Variants in RELN observed in about 807,000 individuals in gnomAD.
RELN encodes reelin.
A neutral mutation model predicts 427.6 loss-of-function variants in RELN; 108 were observed. The ratio of observed to expected loss-of-function variants is 0.25; its 90% CI spans 0.22 to 0.30. The LOEUF (loss-of-function observed/expected upper bound fraction) is 0.30. RELN is among the 10% of genes least tolerant of loss of function. The pLI, the probability that RELN is intolerant of heterozygous loss-of-function variation, is 1.00. For synonymous variants in RELN, 1,524 were observed against 1,513.4 expected, an observed-to-expected ratio of 1.01 and a Z score of -0.16; for missense variants, 3,715 against 4,302.8, an observed-to-expected ratio of 0.86 and a Z score of 3.82.
chr7:103,856,119 T>C (rs1233415202), intron 2 of RELN, among the ~76,000 whole-genome samples: 1 of 152,140 alleles, frequency 6.6e-6, no homozygotes, highest in Admixed American at 6.6e-5. Flanking sequence ...CTATTCCTTA[T>C]GAAGATGCTA....
chr7:103,741,309 C>T (rs1252314836), intron 6 of RELN, among the ~76,000 whole-genome samples: 1 of 152,004 alleles, frequency 6.6e-6, no homozygotes, highest in African/African-American at 2.4e-5. Flanking sequence ...ACATCTAACA[C>T]CTTATTTTTC....
At chr7:103,861,279 C>T (rs563644172) in intron 2 of RELN, among the ~76,000 whole-genome samples, 33 of 152,034 alleles carry the variant, frequency 2.2e-4, no homozygotes, top group African/African-American at 7.7e-4. Flanking sequence ...GTCTCAAATC[C>T]CTGGTATACT....
chr7:103,585,815 A>G (rs1831256698), intron 28 of RELN, among the ~76,000 whole-genome samples: 1 of 152,178 alleles, frequency 6.6e-6, no homozygotes, highest in Non-Finnish European at 1.5e-5. Context: ...TCAAGAAAAT[A>G]CCAGCAAACT....
chr7:103,887,300 A>T (rs1221356585), intron 2 of RELN, among the ~76,000 whole-genome samples: 1 of 152,162 alleles, frequency 6.6e-6, no homozygotes, highest in Non-Finnish European at 1.5e-5. Context: ...TTAGTTATCT[A>T]CCTTATGATG....
chr7:103,531,159 C>A (rs1229669970), intron 46 of RELN, among the ~76,000 whole-genome samples: 1 of 152,172 alleles, frequency 6.6e-6, no homozygotes, highest in African/African-American at 2.4e-5. Context: ...CTCAACACTT[C>A]CATGCACATT....
chr7:103,733,247 C>T (rs929483446), intron 6 of RELN, among the ~76,000 whole-genome samples: 1 of 151,620 alleles, frequency 6.6e-6, no homozygotes, highest in Admixed American at 6.6e-5. Context: ...GAGATACCAT[C>T]TCACACCAGT....
chr7:103,779,598 G>C (rs1292438074), intron 3 of RELN, among the ~76,000 whole-genome samples: 1 of 152,126 alleles, frequency 6.6e-6, no homozygotes, highest in Non-Finnish European at 1.5e-5. Flanking sequence ...TCAAACCCAG[G>C]CAGTTTGAGT....
At chr7:103,607,305 C>T (rs1278320377) in intron 22 of RELN, among the ~76,000 whole-genome samples, 2 of 151,848 alleles carry the variant, frequency 1.3e-5, no homozygotes, top group African/African-American at 2.4e-5. Context: ...AGAGAAAAGG[C>T]AAGAAAAAGA....
chr7:103,974,199 A>G (rs1024220001), intron 1 of RELN, among the ~76,000 whole-genome samples: 2 of 152,174 alleles, frequency 1.3e-5, no homozygotes, highest in Non-Finnish European at 2.9e-5. Flanking sequence ...GACAGGCATA[A>G]TGTTGTTTTT....
At chr7:103,877,799 TCTTCCTTCGTC>T (rs1476492066) in intron 2 of RELN, among the ~76,000 whole-genome samples, 2 of 151,248 alleles carry the variant, frequency 1.3e-5, no homozygotes, top group Non-Finnish European at 2.9e-5. Context: ...GGCCCTCCCT[TCTTCCTTCGTC>T]CTTCCTCCTC....
chr7:103,871,876 C>G (rs1221221161), intron 2 of RELN, among the ~76,000 whole-genome samples: 4 of 151,750 alleles, frequency 2.6e-5, no homozygotes, highest in African/African-American at 7.3e-5. Flanking sequence ...TTCTGGAGAC[C>G]TACCAGAGAT....
chr7:103,745,195 G>T (rs1180875424), intron 6 of RELN, among the ~76,000 whole-genome samples: 2 of 152,124 alleles, frequency 1.3e-5, no homozygotes, highest in Non-Finnish European at 2.9e-5. Flanking sequence ...TGCAGAAAAG[G>T]CCTTTGACAA....
intron 23 of RELN, among the ~76,000 whole-genome samples, chr7:103,604,030 T>G (rs1831744088): frequency 6.6e-6 from 1 of 152,308 alleles, no homozygotes; most frequent in Non-Finnish European, 1.5e-5. Context: ...GCAGCAGGGT[T>G]TGACTAGTGC....
intron 8 of RELN, among the ~76,000 whole-genome samples, chr7:103,707,489 C>A (rs370177418): frequency 2.0e-5 from 3 of 151,188 alleles, no homozygotes; most frequent in African/African-American, 4.9e-5. Flanking sequence ...GCTTGCAAAT[C>A]TATTTCTTTC....
Position 103,601,714 on chromosome 7 carries a change from T to C in RELN, c.3333+1590A>G, listed in dbSNP as rs73420646. Among the ~76,000 whole-genome samples, 438 of 152,138 alleles carry C rather than the reference T, an allele frequency of 2.9e-3. 4 individuals carry two copies. Among genetic ancestry groups the C allele is most frequent in the Middle Eastern group, 0.01 (3 of 294 alleles). On this transcript the variant is annotated intron_variant, in intron 24 of 64. Coordinates refer to ENST00000428762, the MANE Select transcript of RELN (RefSeq NM_005045.4). ...TTTCAAGACTATATAAGGAGACAGATTGGAAAAGAGAAAAAGAATGTCCTG... is the reference window on the plus strand; with the variant it reads ...TTTCAAGACTATATAAGGAGACAGACTGGAAAAGAGAAAAAGAATGTCCTG...
At chr7:103,948,008 A>G (rs1360419614) in intron 1 of RELN, among the ~76,000 whole-genome samples, 1 of 152,212 alleles carries the variant, frequency 6.6e-6, no homozygotes, top group Non-Finnish European at 1.5e-5. Context: ...GGTATAAAAA[A>G]TAATCATTTT....
chr7:103,875,924 C>T (rs1794467405), intron 2 of RELN, among the ~76,000 whole-genome samples: 2 of 152,020 alleles, frequency 1.3e-5, no homozygotes, highest in African/African-American at 4.8e-5. Flanking sequence ...ATATTTTAAG[C>T]ACATGTGAGA....
At chr7:103,918,835 G>A (rs1795547307) in intron 1 of RELN, among the ~76,000 whole-genome samples, 1 of 152,096 alleles carries the variant, frequency 6.6e-6, no homozygotes, top group African/African-American at 2.4e-5. Flanking sequence ...GCTTTCCAGA[G>A]TGCAAGACAG....
intron 45 of RELN, among the ~76,000 whole-genome samples, chr7:103,537,603 T>C (rs975955375): frequency 6.6e-6 from 1 of 152,208 alleles, no homozygotes; most frequent in Non-Finnish European, 1.5e-5. Context: ...TTAGTCCTGG[T>C]GCTGTGCTGC....
Sources: gnomAD v4.1 joint callset for allele counts (sites outside exome capture counted in the v4.1 genomes callset) on GRCh38, gnomAD v4.1.1 for gene constraint, MANE v1.5 for transcripts, NCBI Gene and HGNC (gene_info 2026-07-23, HGNC 2026-07-21) for gene names.